The following AP2B1 variants were observed in gnomAD, a reference collection of about 807,000 sequenced individuals.
AP2B1 encodes AP-2 complex subunit beta.
In AP2B1, 23 loss-of-function variants were observed where a neutral mutation model predicts 102.0. That is an observed-to-expected ratio of 0.23 (90% CI 0.16 to 0.32). The LOEUF is 0.32. AP2B1 is among the 10% of genes least tolerant of loss of function. The probability of loss-of-function intolerance (pLI) is 1.00; values close to 1 mark genes in which losing one functional copy is unlikely to be tolerated. For missense variants in AP2B1, 541 were observed against 1,157.4 expected, an observed-to-expected ratio of 0.47 and a Z score of 7.73; for synonymous variants, 381 against 421.2, an observed-to-expected ratio of 0.90 and a Z score of 1.17.
chr17:35,604,611 A>G (rs1285822245), intron 3 of AP2B1, among the ~76,000 whole-genome samples: 4 of 152,140 alleles, frequency 2.6e-5, no homozygotes, highest in Non-Finnish European at 4.4e-5. Context: ...TATAAAAATT[A>G]GCCGGGAGTG....
intron 10 of AP2B1, among the ~76,000 whole-genome samples, chr17:35,637,331 C>T (rs1187614954): frequency 1.3e-5 from 2 of 151,990 alleles, no homozygotes; most frequent in Non-Finnish European, 2.9e-5. Context: ...ATTACAGGTG[C>T]ATGCCACCAT....
chr17:35,704,463 AC>A (rs1393921715), intron 18 of AP2B1, among the ~76,000 whole-genome samples: 3 of 152,186 alleles, frequency 2.0e-5, no homozygotes, highest in Non-Finnish European at 2.9e-5. Context: ...TATTTGTTCA[AC>A]ATCTTCCACT....
intron 18 of AP2B1, among the ~76,000 whole-genome samples, chr17:35,699,799 C>T (rs2076208649): frequency 6.6e-6 from 1 of 152,174 alleles, no homozygotes; most frequent in African/African-American, 2.4e-5. Context: ...CACAGTGGCT[C>T]ATGCCTGTGT....
intron 17 of AP2B1, among the ~76,000 whole-genome samples, chr17:35,679,398 T>C (rs1380153217): frequency 6.6e-6 from 1 of 152,014 alleles, no homozygotes; most frequent in African/African-American, 2.4e-5. Flanking sequence ...TACCTTTTTT[T>C]TTTTTTTCCA....
intron 3 of AP2B1, among the ~76,000 whole-genome samples, chr17:35,598,921 G>C (rs1381755696): frequency 6.6e-6 from 1 of 152,204 alleles, no homozygotes; most frequent in African/African-American, 2.4e-5. Context: ...GATGTTACTT[G>C]CCTTTTTCAC....
intron 21 of AP2B1, among the ~76,000 whole-genome samples, chr17:35,717,608 C>A (rs1381501912): frequency 6.6e-6 from 1 of 152,172 alleles, no homozygotes; most frequent in Non-Finnish European, 1.5e-5. Context: ...GAGTTGCTCA[C>A]AAAACTTGGC....
At chr17:35,643,590 A>T (rs955807298) in intron 12 of AP2B1, among the ~76,000 whole-genome samples, 3 of 152,202 alleles carry the variant, frequency 2.0e-5, no homozygotes, top group African/African-American at 4.8e-5. Flanking sequence ...TGCTTAAAGG[A>T]TACAAGGTAG....
chr17:35,718,460 C>G (rs1555591260), intron 21 of AP2B1, among the ~76,000 whole-genome samples: 10 of 152,072 alleles, frequency 6.6e-5, no homozygotes, highest in Non-Finnish European at 1.2e-4. Context: ...CCCCAACCCC[C>G]CACCAGTCTC....
chr17:35,658,465 G>A (rs930777253), intron 14 of AP2B1, among the ~76,000 whole-genome samples: 2 of 151,648 alleles, frequency 1.3e-5, no homozygotes, highest in Non-Finnish European at 2.9e-5. Flanking sequence ...GCCACCAATG[G>A]GAACCAAAAT....
intron 18 of AP2B1, among the ~76,000 whole-genome samples, chr17:35,704,175 TG>T (rs2076295168): frequency 6.6e-6 from 1 of 152,226 alleles, no homozygotes; most frequent in South Asian, 2.1e-4. Flanking sequence ...GTTTTTCCCT[TG>T]GTTCTTTTTT....
In AP2B1 at chr17:35,657,749, G is replaced by C; in HGVS notation, c.1947G>C (p.Gln649His). Residue 649 changes from glutamine to histidine, a missense_variant, in exon 14 of 22, where the codon CAG (glutamine) becomes CAC (histidine). Coordinates refer to ENST00000610402, the MANE Select transcript of AP2B1 (RefSeq NM_001030006.2). The stretch of plus-strand genomic sequence containing the variant: ...ATGTGCCACAGGTGTCCTCCATGCA[G>C]ATGGGAGCAGTGGATCTCCTAGGAG... ...PVNVPQVSSM[Q>H]MGAVDLLGGG... The C allele has an allele frequency of 6.2e-7, 1 of 1,614,100 alleles. No individual in the cohort carries two copies. Among genetic ancestry groups the C allele is most frequent in the Non-Finnish European group, 8.5e-7 (1 of 1,180,014 alleles).
intron 16 of AP2B1, among the ~76,000 whole-genome samples, chr17:35,673,936 A>T (rs74573856): frequency 2.6e-5 from 4 of 152,254 alleles, no homozygotes; most frequent in South Asian, 4.2e-4. Flanking sequence ...CTGGTTTTTT[A>T]AAATTATTAT....
At chr17:35,635,166 G>C (rs996910516) in intron 9 of AP2B1, among the ~76,000 whole-genome samples, 4 of 152,138 alleles carry the variant, frequency 2.6e-5, no homozygotes, top group African/African-American at 7.2e-5. Context: ...CAATTCTCCT[G>C]CCTCAGCCTC....
intron 15 of AP2B1, 96 bp downstream of exon 15, chr17:35,670,994 T>C: frequency 7.7e-7 from 1 of 1,301,086 alleles, no homozygotes; most frequent in African/African-American, 1.5e-5. Context: ...TGCTGCTGTC[T>C]AGCACTGCAC....
chr17:35,713,786 TAAGAG>T (rs1555588683), intron 20 of AP2B1: 1 of 152,168 alleles, frequency 6.6e-6, no homozygotes, highest in African/African-American at 2.4e-5. Context: ...AATCAGATCT[TAAGAG>T]AAAAGTGTAT....
chr17:35,693,008 G>A (rs914785284), intron 18 of AP2B1, among the ~76,000 whole-genome samples: 38 of 151,560 alleles, frequency 2.5e-4, no homozygotes, highest in African/African-American at 7.0e-4. Context: ...TTTCTTTGGC[G>A]CGGGGCGGTG....
At chr17:35,616,988 A>T (rs189812701) in intron 5 of AP2B1, among the ~76,000 whole-genome samples, 1 of 152,354 alleles carries the variant, frequency 6.6e-6, no homozygotes. Flanking sequence ...ATTAAAGGAC[A>T]GAGGGCTTGC....
chr17:35,717,117 C>T, intron 20 of AP2B1, 78 bp from the exon 21 acceptor site: 1 of 1,500,380 alleles, frequency 6.7e-7, no homozygotes. Flanking sequence ...ACACATGGCT[C>T]ATAAGGATGT....
chr17:35,683,342 A>G (rs1026043360), intron 18 of AP2B1, among the ~76,000 whole-genome samples: 8 of 152,234 alleles, frequency 5.3e-5, no homozygotes, highest in African/African-American at 1.9e-4. Flanking sequence ...TACTCAACAA[A>G]CACTTAGAAA....
Sources: allele counts gnomAD v4.1 joint callset (sites outside exome capture counted in the v4.1 genomes callset), GRCh38; gene constraint gnomAD v4.1.1; transcripts MANE v1.5; gene names NCBI Gene and HGNC (gene_info 2026-07-23, HGNC 2026-07-21).